Variants in SGSM2 observed in about 807,000 individuals in gnomAD.
SGSM2 encodes small G protein signaling modulator 2.
A neutral mutation model predicts 126.6 loss-of-function variants in SGSM2; 89 were observed. That is an observed-to-expected ratio of 0.70 (90% CI 0.59 to 0.84). SGSM2 has a LOEUF of 0.84. Ranked by LOEUF, SGSM2 falls within the 40% of genes least tolerant of loss-of-function variation. The pLI is 0.00. For synonymous variants in SGSM2, 614 were observed against 574.3 expected (o/e 1.07, Z -0.99); for missense variants, 1,404 against 1,416.6 (o/e 0.99, Z 0.14).
chr17:2,371,688 C>A, intron 13 of SGSM2: 2 of 462,144 alleles, frequency 4.3e-6, no homozygotes, highest in Non-Finnish European at 7.7e-6. Context: ...TGAGAGAGAA[C>A]CCAAGTGAAG....
intron 1 of SGSM2, 121 bp from the exon 2 acceptor site, chr17:2,343,424 T>A (rs1031872794): frequency 1.1e-6 from 1 of 882,366 alleles, no homozygotes; most frequent in Non-Finnish European, 1.9e-6. Flanking sequence ...ATCCCTGTCA[T>A]CTCTGCAAGT....
chr17:2,364,219 C>T (rs2065453993), intron 8 of SGSM2, 36 bp downstream of exon 8: 1 of 1,612,298 alleles, frequency 6.2e-7, no homozygotes, highest in East Asian at 2.2e-5. Context: ...GGAGCCAGGG[C>T]AGGGAGTGGG....
Position 2,371,315 on chromosome 17 carries a change from C to T in SGSM2, c.1477C>T (p.His493Tyr), listed in dbSNP as rs762870860. ...CTTTGGGCCCAGCCTGCCAGCCTGG[C>T]ACCTGGAGCCCCTGTGCAGTCAGGG... ...QGFGPSLPAWHLEPLCSQGSS... is the reference protein window; with the variant it reads ...QGFGPSLPAWYLEPLCSQGSS... Residue 493 changes from histidine to tyrosine, a missense_variant, in exon 13 of 24, where the codon CAC becomes TAC. Transcript: ENST00000268989. 10 of 1,612,474 alleles carry T rather than the reference C, an allele frequency of 6.2e-6. No individual in the cohort carries two copies. Among genetic ancestry groups the T allele is most frequent in the Non-Finnish European group, 8.5e-6 (10 of 1,179,922 alleles).
At chr17:2,375,448 A>G (rs2066087473) in intron 17 of SGSM2, 44 bp from the exon 18 acceptor site, 1 of 1,548,900 alleles carries the variant, frequency 6.5e-7, no homozygotes, top group Non-Finnish European at 8.7e-7. Flanking sequence ...GGCTGCGGGA[A>G]GGTGCTGGAG....
rs1230910495 is a variant in SGSM2 at position 2,337,860 on chromosome 17, C to CG, written c.57+119dup. On this transcript the variant is annotated intron_variant, in intron 1 of 23. Transcript: ENST00000268989. The surrounding 1 kb of genome is among the most constrained non-coding windows in gnomAD (Gnocchi z 5.1). ...GCACCCGGGCCGAACCTGGGCCGGG[C>CG]GGGGCGGGTCCTGGACGGGCTGCGC... 1.3e-5 allele frequency: 8 copies of CG among 607,634 alleles called. No homozygotes were observed. The highest frequency in any genetic ancestry group is 1.7e-5 in the Non-Finnish European group (7 of 413,112). 37.6% of individuals were successfully genotyped at this position (607,634 alleles called of 1,614,324 possible). A position where few individuals can be genotyped will look rare whatever the true frequency, so the allele number is the denominator to read the frequency against.
rs542153516 is a variant in SGSM2 at position 2,353,651 on chromosome 17, G to C, written c.134-7986G>C. On this transcript the variant is annotated intron_variant, in intron 2 of 23. Transcript: ENST00000268989. ...ATGGTAGTGCACGCCTGCAGTCCCA[G>C]CTACTCAGCAGGCTGAGGTAGGAGG... is the stretch of plus-strand genomic sequence containing the variant. 3.6e-3 allele frequency among the ~76,000 whole-genome samples: 543 copies of C among 152,164 alleles called. 2 individuals carry two copies. The highest frequency in any genetic ancestry group is 0.012 in the African/African-American group (506 of 41,510).
chr17:2,354,751 C>T (rs1334835858), intron 2 of SGSM2, among the ~76,000 whole-genome samples: 1 of 152,266 alleles, frequency 6.6e-6, no homozygotes, highest in African/African-American at 2.4e-5. Flanking sequence ...GATTCAGCAG[C>T]TCCCCACGTC....
intron 1 of SGSM2, among the ~76,000 whole-genome samples, chr17:2,342,261 CAAA>C (rs570717792): frequency 1.5e-5 from 1 of 67,850 alleles, no homozygotes; most frequent in Non-Finnish European, 3.2e-5. Context: ...ACTAAAAATA[CAAA>C]AAAAAAAAAA....
At chr17:2,371,865 C>T in intron 13 of SGSM2, 1 of 428,872 alleles carries the variant, frequency 2.3e-6, no homozygotes, top group Non-Finnish European at 4.2e-6. Context: ...TCTCTTTTAC[C>T]TTTACTTCGT....
At chr17:2,364,388 C>T (rs1395697626) in intron 8 of SGSM2, 12 of 850,704 alleles carry the variant, frequency 1.4e-5, no homozygotes, top group South Asian at 5.0e-5. Context: ...TTTGTCTGAG[C>T]CAAGCTCTCA....
rs779304037 is a variant in SGSM2, at chr17:2,367,324, G to C, written c.1342G>C (p.Asp448His). Residue 448 changes from aspartate (D) to histidine (H), a missense_variant, in exon 12 of 24, where the codon GAT becomes CAT. Coordinates refer to ENST00000268989, the MANE Select transcript of SGSM2 (RefSeq NM_014853.3). The surrounding 1 kb of genome is among the most constrained non-coding windows in gnomAD (Gnocchi z 4.0). ...CAGCCGCGCGGCCTCGGTGGACGAT[G>C]ATGAGGAAGAGGAGGATAAACTGCA... ...AASRAASVDD[D>H]EEEEDKLHAM... 8 of 1,614,194 alleles carry C rather than the reference G, an allele frequency of 5.0e-6. No homozygotes were observed. The highest frequency in any genetic ancestry group is 1.3e-5 in the African/African-American group (1 of 75,064).
At chr17:2,377,598 T>G (rs1295459181) in intron 21 of SGSM2, 2 of 325,252 alleles carry the variant, frequency 6.1e-6, no homozygotes, top group South Asian at 9.0e-5. Flanking sequence ...GCTGATGACA[T>G]CAGACACCCA....
At position 2,372,632 on chromosome 17, in the gene SGSM2, T is replaced by C; in HGVS notation, c.1788+144T>C. On this transcript the variant is annotated intron_variant, in intron 15 of 23. Transcript: ENST00000268989. The surrounding 1 kb of genome is among the most constrained non-coding windows in gnomAD (Gnocchi z 6.0). ...TGACCAGGGTCCCGGCAGAATCTCT[T>C]GCAGCTGGGCCTGGGGCTGACACGG... 1 of 1,203,626 alleles carries C rather than the reference T, an allele frequency of 8.3e-7. No individual in the cohort carries two copies. Among genetic ancestry groups the C allele is most frequent in the Non-Finnish European group, 1.2e-6 (1 of 855,676 alleles). 74.6% of individuals were successfully genotyped at this position (1,203,626 alleles called of 1,614,324 possible).
chr17:2,364,757 T>C lies in SGSM2; in HGVS notation c.1000+94T>C, dbSNP rs1278891358. 3.2e-6 allele frequency: 5 copies of C among 1,558,520 alleles called. No individual in the cohort carries two copies. In the African/African-American group the frequency reaches 6.8e-5, roughly 21 times the overall value. On this transcript the variant is annotated intron_variant, in intron 9 of 23. Transcript: ENST00000268989. ...GTGGGGCCTGTAAGACTCCTCGTCCTCCTCCCATCCTTGTTAATGGGGCTC... is the reference window on the plus strand; with the variant it reads ...GTGGGGCCTGTAAGACTCCTCGTCCCCCTCCCATCCTTGTTAATGGGGCTC...
At chr17:2,364,372 A>C in intron 8 of SGSM2, 189 bp downstream of exon 8, 1 of 878,462 alleles carries the variant, frequency 1.1e-6, no homozygotes. Flanking sequence ...CCTGGCCGTG[A>C]AGAGGTTTGT....
intron 1 of SGSM2, among the ~76,000 whole-genome samples, chr17:2,340,154 C>T (rs1156889792): frequency 1.3e-5 from 2 of 150,412 alleles, no homozygotes; most frequent in East Asian, 2.0e-4. Context: ...CTTGCTCTGT[C>T]GCCAGGCTGG....
At chr17:2,342,935 C>T (rs1470425444) in intron 1 of SGSM2, among the ~76,000 whole-genome samples, 7 of 152,164 alleles carry the variant, frequency 4.6e-5, no homozygotes, top group Non-Finnish European at 1.0e-4. Flanking sequence ...CGAGATCACG[C>T]CACTGTACTC....
At chr17:2,354,938 T>G (rs2065032093) in intron 2 of SGSM2, among the ~76,000 whole-genome samples, 2 of 127,572 alleles carry the variant, frequency 1.6e-5, no homozygotes, top group African/African-American at 7.4e-5. Flanking sequence ...GGTGTAAGCG[T>G]TGGGGAAGGG....
rs138284374 is a variant in SGSM2 at position 2,348,460 on chromosome 17, C to T, written c.133+4840C>T. On this transcript the variant is annotated intron_variant, in intron 2 of 23. Coordinates refer to ENST00000268989, the MANE Select transcript of SGSM2 (RefSeq NM_014853.3). ...TAGCTCATTCTCTTGCTATCTAACT[C>T]GTGCCTTCCATCTAGAAATGATCTA... Among the ~76,000 whole-genome samples, 11 of 152,298 alleles carry T rather than the reference C, an allele frequency of 7.2e-5. No homozygotes were observed. The East Asian group carries it at 2.1e-3, about 29-fold the overall frequency.
Sources: gnomAD v4.1 joint callset for allele counts (sites outside exome capture counted in the v4.1 genomes callset) on GRCh38, gnomAD v4.1.1 for gene constraint, Gnocchi (gnomAD v3.1) non-coding constraint, MANE v1.5 for transcripts, NCBI Gene and HGNC (gene_info 2026-07-23, HGNC 2026-07-21) for gene names.